The following XIRP2 variants were observed in gnomAD, a reference collection of about 807,000 sequenced individuals.
XIRP2 encodes xin actin-binding repeat-containing protein 2.
Under a neutral mutation model 277.0 loss-of-function variants are expected in XIRP2, and 236 were observed. The observed-to-expected ratio is 0.85, with a 90% CI of 0.77 to 0.95. The LOEUF (loss-of-function observed/expected upper bound fraction) is 0.95. Among genes scored for constraint, XIRP2 ranks in the 40% least tolerant of loss-of-function variants. The pLI is 0.00. For missense variants in XIRP2, 4,640 were observed against 4,157.5 expected (o/e 1.12, Z -3.19); for synonymous variants, 1,490 against 1,416.5 (o/e 1.05, Z -1.17).
chr2:167,219,462 A>T (rs541592657), intron 5 of XIRP2, among the ~76,000 whole-genome samples: 2 of 152,224 alleles, frequency 1.3e-5, no homozygotes, highest in Non-Finnish European at 2.9e-5. Context: ...ATGAATTTAT[A>T]GATCCTTCAC....
At chr2:167,057,604 G>A (rs966962232) in intron 2 of XIRP2, among the ~76,000 whole-genome samples, 3 of 152,114 alleles carry the variant, frequency 2.0e-5, no homozygotes, top group African/African-American at 7.2e-5. Context: ...GAAGAAAATG[G>A]ACTCCTGAAA....
chr2:167,020,137 T>C (rs182318586), intron 2 of XIRP2, among the ~76,000 whole-genome samples: 17 of 152,100 alleles, frequency 1.1e-4, no homozygotes, highest in Non-Finnish European at 4.4e-5. Context: ...TTCATGATGG[T>C]TGTTTATGGC....
intron 3 of XIRP2, among the ~76,000 whole-genome samples, chr2:167,150,068 T>C (rs1691969114): frequency 6.6e-6 from 1 of 151,932 alleles, no homozygotes; most frequent in Non-Finnish European, 1.5e-5. Context: ...AATATACTCA[T>C]GTAACAAAAC....
chr2:166,946,444 ATTGT>A (rs1685866422), intron 2 of XIRP2, among the ~76,000 whole-genome samples: 1 of 152,084 alleles, frequency 6.6e-6, no homozygotes, highest in Non-Finnish European at 1.5e-5. Context: ...TGTTACTCTG[ATTGT>A]TTGAGTTGTT....
At chr2:166,918,819 G>T (rs1488129539) in intron 2 of XIRP2, among the ~76,000 whole-genome samples, 2 of 152,098 alleles carry the variant, frequency 1.3e-5, no homozygotes, top group Non-Finnish European at 2.9e-5. Flanking sequence ...GATCCTCTGA[G>T]GACCATCTTT....
chr2:167,239,698 C>T (rs1396147958), intron 5 of XIRP2, among the ~76,000 whole-genome samples, 157 bp from the exon 6 acceptor site: 1 of 152,174 alleles, frequency 6.6e-6, no homozygotes, highest in East Asian at 1.9e-4. Flanking sequence ...CCATTTTAAG[C>T]CACTAAACTT....
At chr2:167,233,771 T>G (rs1224100056) in intron 5 of XIRP2, among the ~76,000 whole-genome samples, 1 of 151,814 alleles carries the variant, frequency 6.6e-6, no homozygotes, top group African/African-American at 2.4e-5. Flanking sequence ...AGTTTCAGCC[T>G]TTTGTTGGAC....
At chr2:167,195,777 C>T (rs749985369) in intron 3 of XIRP2, among the ~76,000 whole-genome samples, 6 of 152,172 alleles carry the variant, frequency 3.9e-5, no homozygotes, top group South Asian at 4.1e-4. Context: ...AGGTTGGAGC[C>T]TGCAATGGAT....
intron 2 of XIRP2, among the ~76,000 whole-genome samples, chr2:167,009,736 G>A (rs1687611157): frequency 6.6e-6 from 1 of 152,044 alleles, no homozygotes; most frequent in African/African-American, 2.4e-5. Flanking sequence ...GTTGTTTCCT[G>A]ACTTTTTAAT....
chr2:166,974,617 T>C (rs1048531725), intron 2 of XIRP2, among the ~76,000 whole-genome samples: 1 of 151,970 alleles, frequency 6.6e-6, no homozygotes, highest in Non-Finnish European at 1.5e-5. Context: ...TTGCAAACAG[T>C]AGCAATGCTT....
intron 3 of XIRP2, among the ~76,000 whole-genome samples, chr2:167,157,644 G>A (rs1313907475): frequency 6.6e-6 from 1 of 152,100 alleles, no homozygotes; most frequent in Non-Finnish European, 1.5e-5. Context: ...AAAGTATGAG[G>A]AATCCAGAAT....
intron 2 of XIRP2, among the ~76,000 whole-genome samples, chr2:167,009,292 C>A (rs1330824740): frequency 2.7e-5 from 4 of 147,234 alleles, no homozygotes; most frequent in East Asian, 4.1e-4. Flanking sequence ...CAATTCCCAC[C>A]TATGAGTGAG....
At chr2:166,975,487 A>AAAAAG (rs368207231) in intron 2 of XIRP2, among the ~76,000 whole-genome samples, 21 of 152,026 alleles carry the variant, frequency 1.4e-4, no homozygotes, top group Non-Finnish European at 2.5e-4. Context: ...GACTCCTTCA[A>AAAAAG]AAAAGAAAAG....
intron 3 of XIRP2, among the ~76,000 whole-genome samples, chr2:167,161,617 A>T (rs1052814581): frequency 4.6e-5 from 7 of 152,172 alleles, no homozygotes; most frequent in African/African-American, 1.7e-4. Context: ...CCCCTAGGCC[A>T]CACACAGCAA....
chr2:167,068,964 T>C (rs1331184350), intron 2 of XIRP2, among the ~76,000 whole-genome samples: 2 of 152,180 alleles, frequency 1.3e-5, no homozygotes, highest in Non-Finnish European at 2.9e-5. Flanking sequence ...CTAGAGAGTC[T>C]TATCTTCTAT....
intron 3 of XIRP2, among the ~76,000 whole-genome samples, chr2:167,152,983 C>A (rs1330976140): frequency 6.6e-6 from 1 of 152,136 alleles, no homozygotes; most frequent in Non-Finnish European, 1.5e-5. Context: ...TCGCAGGCAA[C>A]CTCTGCGTGT....
Position 167,258,430 on chromosome 2 carries a change from A to C in XIRP2, c.*613A>C. On this transcript the variant is annotated 3_prime_UTR_variant, in exon 11 of 11. Transcript: ENST00000409195. Reference sequence around the variant, plus strand: ...AAATGAAAATGCCTGAAGGAAGAAAAGATGAAAAGAAGGAAGGAAGGAAGA... The same window carrying C: ...AAATGAAAATGCCTGAAGGAAGAAACGATGAAAAGAAGGAAGGAAGGAAGA... 1 of 1,613,334 alleles carries C rather than the reference A, an allele frequency of 6.2e-7. No individual in the cohort carries two copies. Among genetic ancestry groups the C allele is most frequent in the Non-Finnish European group, 8.5e-7 (1 of 1,179,666 alleles).
intron 3 of XIRP2, among the ~76,000 whole-genome samples, chr2:167,158,140 A>G (rs1424604275): frequency 6.6e-6 from 1 of 152,186 alleles, no homozygotes; most frequent in Non-Finnish European, 1.5e-5. Flanking sequence ...TCAGGTTACA[A>G]AGAGTACATA....
chr2:167,102,795 G>T, intron 2 of XIRP2, among the ~76,000 whole-genome samples: 1 of 152,064 alleles, frequency 6.6e-6, no homozygotes, highest in Non-Finnish European at 1.5e-5. Flanking sequence ...CTAACTTCCT[G>T]TCTCCCTACA....
Sources: gnomAD v4.1 joint callset for allele counts (sites outside exome capture counted in the v4.1 genomes callset) on GRCh38, gnomAD v4.1.1 for gene constraint, MANE v1.5 for transcripts, NCBI Gene and HGNC (gene_info 2026-07-23, HGNC 2026-07-21) for gene names.